MTMR9: variants seen among roughly 807,000 people sequenced by gnomAD.
MTMR9 encodes the protein myotubularin-related protein 9.
In MTMR9, 39 loss-of-function variants were observed where a neutral mutation model predicts 69.5. The observed-to-expected ratio is 0.56, with a 90% confidence interval of 0.43 to 0.73. The LOEUF (loss-of-function observed/expected upper bound fraction) is 0.73. MTMR9 is among the 30% of genes least tolerant of loss of function. The pLI, the probability that MTMR9 is intolerant of heterozygous loss-of-function variation, is 0.00. For synonymous variants in MTMR9, 354 were observed against 240.8 expected (o/e 1.47, Z -4.35); for missense variants, 900 against 671.2 (o/e 1.34, Z -3.77).
intron 2 of MTMR9, among the ~76,000 whole-genome samples, chr8:11,297,049 A>C (rs953056914): frequency 3.9e-5 from 6 of 152,318 alleles, no homozygotes; most frequent in African/African-American, 1.2e-4. Flanking sequence ...TTGCCACTAA[A>C]TTATATCAGT....
chr8:11,306,420 A>G lies in MTMR9; in HGVS notation c.809+13A>G, dbSNP rs759209969. ...AGTCCATTGAGAGGTAAAAGATTCCAAAGATAGTACAGACTCTTATTAGAA... is the reference window on the plus strand; with the variant it reads ...AGTCCATTGAGAGGTAAAAGATTCCGAAGATAGTACAGACTCTTATTAGAA... On this transcript the variant is annotated intron_variant, in intron 5 of 9. Transcript: ENST00000221086. 3.7e-6 allele frequency: 6 copies of G among 1,610,866 alleles called. No homozygotes were observed. Among genetic ancestry groups the G allele is most frequent in the Non-Finnish European group, 5.1e-6 (6 of 1,177,310 alleles).
Position 11,290,248 on chromosome 8 carries a change from A to T in MTMR9, c.183-4946A>T, listed in dbSNP as rs543358149. ...TATGCTTGTGAGCAGTATACTTAAA[A>T]TTTTTTTTTTTCCTTTTTGTGAATT... On this transcript the variant is annotated intron_variant, in intron 1 of 9. Transcript: ENST00000221086. Among the ~76,000 whole-genome samples the T allele has an allele frequency of 3.3e-4, 50 of 149,370 alleles. No individual in the cohort carries two copies. The South Asian group carries it at 4.7e-3, about 14-fold the overall frequency.
chr8:11,292,223 T>G (rs1785225508), intron 1 of MTMR9, among the ~76,000 whole-genome samples: 1 of 152,192 alleles, frequency 6.6e-6, no homozygotes, highest in African/African-American at 2.4e-5. Context: ...CATAGTTCAT[T>G]TATTCACCTG....
intron 1 of MTMR9, among the ~76,000 whole-genome samples, chr8:11,287,895 A>T (rs1401292534): frequency 7.8e-6 from 1 of 127,446 alleles, no homozygotes; most frequent in Non-Finnish European, 1.6e-5. Flanking sequence ...TATAATACGT[A>T]TTATATATAA....
chr8:11,307,456 G>C (rs1405007239), intron 5 of MTMR9, among the ~76,000 whole-genome samples: 15 of 152,194 alleles, frequency 9.9e-5, no homozygotes, highest in Admixed American at 9.8e-4. Flanking sequence ...CGTGCATTTA[G>C]GTTGAATCCA....
downstream of MTMR9, chr8:11,332,298 A>G (rs1801268753): frequency 9.0e-7 from 1 of 1,117,202 alleles, no homozygotes; most frequent in African/African-American, 1.6e-5. Context: ...TAAAAATATC[A>G]CAAAGCATGC....
intron 1 of MTMR9, among the ~76,000 whole-genome samples, chr8:11,288,426 A>G (rs1358909682): frequency 2.7e-5 from 4 of 150,218 alleles, no homozygotes; most frequent in Middle Eastern, 6.9e-3. Flanking sequence ...GAGGATAAAG[A>G]GCACTGGGAG....
Position 11,309,881 on chromosome 8 carries a change from T to C in MTMR9, c.971+193T>C, listed in dbSNP as rs149269156. Reference sequence around the variant, plus strand: ...TAATAGATAATGTTTGTTTCATAAATATGAACCAGGTAAATATACATGTCT... The same window carrying C: ...TAATAGATAATGTTTGTTTCATAAACATGAACCAGGTAAATATACATGTCT... On this transcript the variant is annotated intron_variant, in intron 6 of 9. Transcript: ENST00000221086. Among the ~76,000 whole-genome samples, 3 of 152,320 alleles carry C rather than the reference T, an allele frequency of 2.0e-5. No individual in the cohort carries two copies. The East Asian group carries it at 5.8e-4, about 29-fold the overall frequency.
At chr8:11,338,034 G>T in the MTMR9 span, among the ~76,000 whole-genome samples, 1 of 152,248 alleles carries the variant, frequency 6.6e-6, no homozygotes, top group Non-Finnish European at 1.5e-5. Flanking sequence ...GAACATGTCT[G>T]GGAATGGATC....
At chr8:11,296,827 T>G (rs1190944334) in intron 2 of MTMR9, among the ~76,000 whole-genome samples, 1 of 152,196 alleles carries the variant, frequency 6.6e-6, no homozygotes, top group African/African-American at 2.4e-5. Flanking sequence ...TTTTGTTTGT[T>G]TTTAGTAATC....
rs1448998438 is a variant in MTMR9 at position 11,326,920 on chromosome 8, A to C, written c.*4132A>C. 6.7e-6 allele frequency: 1 copy of C among 149,146 alleles called. No homozygotes were observed. The highest frequency in any genetic ancestry group is 2.0e-4 in the East Asian group (1 of 4,940). 9.2% of individuals were successfully genotyped at this position (149,146 alleles called of 1,614,324 possible). On this transcript the variant is annotated 3_prime_UTR_variant, in exon 10 of 10. Transcript: ENST00000221086. ...GGGAGGCAGAGCTTGCAGTGAGCCG[A>C]GATCGCACCACTGCACTCCAGCCTG...
intron 1 of MTMR9, among the ~76,000 whole-genome samples, chr8:11,288,333 A>G (rs1210088068): frequency 7.1e-6 from 1 of 140,420 alleles, no homozygotes; most frequent in Admixed American, 7.6e-5. Flanking sequence ...ATATACATAA[A>G]TATATAATAT....
chr8:11,319,522 G>T, intron 8 of MTMR9, 165 bp from the exon 9 acceptor site: 1 of 671,578 alleles, frequency 1.5e-6, no homozygotes, highest in South Asian at 2.0e-5. Context: ...AATGCCGATT[G>T]AGCTTTTTGA....
chr8:11,334,967 T>G, the MTMR9 span, among the ~76,000 whole-genome samples: 1 of 152,200 alleles, frequency 6.6e-6, no homozygotes, highest in African/African-American at 2.4e-5. Flanking sequence ...TTAAAAAAAT[T>G]CTGCAGCTAA....
In MTMR9 at chr8:11,319,743, C is replaced by A. The variant is rs147083766; in HGVS notation, c.1391C>A (p.Pro464His). 2 of 1,613,838 alleles carry A rather than the reference C, an allele frequency of 1.2e-6. No individual in the cohort carries two copies. The highest frequency in any genetic ancestry group is 1.3e-5 in the African/African-American group (1 of 74,892). The change falls in exon 9 of 10, where the codon CCC becomes CAC. Residue 464 changes from proline to histidine, a missense_variant. By Grantham distance (77) the Pro-to-His change is moderately conservative. Transcript: ENST00000221086. ...TMSLWSWVNQPSELSKFTNPL... is the reference protein window; with the variant it reads ...TMSLWSWVNQHSELSKFTNPL... ...TCTTTGTGGTCCTGGGTTAATCAGC[C>A]CAGTGAGCTGAGTAAATTCACCAAT...
chr8:11,297,544 T>C (rs74739600), intron 2 of MTMR9, among the ~76,000 whole-genome samples: 2 of 151,126 alleles, frequency 1.3e-5, no homozygotes, highest in Non-Finnish European at 1.5e-5. Flanking sequence ...TTTTTTTTTT[T>C]CAGTTAGGAG....
chr8:11,293,501 C>T (rs1585109662), intron 1 of MTMR9, among the ~76,000 whole-genome samples: 1 of 152,180 alleles, frequency 6.6e-6, no homozygotes. Context: ...TGCCCCGTGG[C>T]TTACCTTTTC....
rs200253815 is a variant in MTMR9, at chr8:11,295,206, A to C, written c.195A>C (p.Ser65=). The change falls in exon 2 of 10, where the codon TCA becomes TCC. Residue 65 remains serine (S), a synonymous_variant. Transcript: ENST00000221086. ...IDAIDKRFVG[S]LGTIIIKCKD... ...CAATTTCTTACAGATTTGTAGGATCACTGGGTACCATCATCATAAAATGTA... is the reference window on the plus strand; with the variant it reads ...CAATTTCTTACAGATTTGTAGGATCCCTGGGTACCATCATCATAAAATGTA... The C allele has an allele frequency of 1.2e-3, 1,933 of 1,598,048 alleles. 40 individuals are homozygous for C. In the South Asian group the frequency reaches 0.02, roughly 17 times the overall value.
chr8:11,324,381 C>T lies in MTMR9; in HGVS notation c.*1593C>T, dbSNP rs1800830041. On this transcript the variant is annotated 3_prime_UTR_variant, in exon 10 of 10. Transcript: ENST00000221086. ...AAATTGGCCTGCCACCTTCTTTAAG[C>T]TCAGTTTATTTTTGACTTACTTTCT... 6.6e-6 allele frequency: 1 copy of T among 152,050 alleles called. No homozygotes were observed. The highest frequency in any genetic ancestry group is 1.5e-5 in the Non-Finnish European group (1 of 68,020). 9.4% of individuals were successfully genotyped at this position (152,050 alleles called of 1,614,324 possible). A position where few individuals can be genotyped will look rare whatever the true frequency, so the allele number is the denominator to read the frequency against.
Sources: allele counts gnomAD v4.1 joint callset (sites outside exome capture counted in the v4.1 genomes callset), GRCh38; gene constraint gnomAD v4.1.1; transcripts MANE v1.5; gene names NCBI Gene and HGNC (gene_info 2026-07-23, HGNC 2026-07-21).